Variants in MAP3K20 observed in about 807,000 individuals in gnomAD.
MAP3K20 encodes mitogen-activated protein kinase kinase kinase 20, also known as HCCS-4.
Under a neutral mutation model 85.7 loss-of-function variants are expected in MAP3K20, and 40 were observed. The observed-to-expected ratio is 0.47, with a 90% confidence interval of 0.36 to 0.61. The LOEUF is 0.61. MAP3K20 is among the 20% of genes least tolerant of loss of function. The pLI, the probability that MAP3K20 is intolerant of heterozygous loss-of-function variation, is 0.00. For missense variants in MAP3K20, 817 were observed against 961.7 expected, an observed-to-expected ratio of 0.85 and a Z score of 1.99; for synonymous variants, 325 against 327.7, an observed-to-expected ratio of 0.99 and a Z score of 0.09.
At position 173,198,290 on chromosome 2, in the gene MAP3K20, C is replaced by T. The variant is rs188860839; in HGVS notation, c.669+178C>T. ...TTCCTCATGAATGGACCCTTTACATCTAATTGTTGCAGCTTCACGTCGTGA... is the reference window on the plus strand; with the variant it reads ...TTCCTCATGAATGGACCCTTTACATTTAATTGTTGCAGCTTCACGTCGTGA... On this transcript the variant is annotated intron_variant, in intron 8 of 19. Transcript: ENST00000375213. The surrounding 1 kb of genome is among the most constrained non-coding windows in gnomAD (Gnocchi z 5.8). 7.0e-4 allele frequency: 329 copies of T among 472,920 alleles called. 4 individuals are homozygous for T. The highest frequency in any genetic ancestry group is 9.8e-5 in the Non-Finnish European group (26 of 265,298). 29.3% of individuals were successfully genotyped at this position (472,920 alleles called of 1,614,324 possible).
At position 173,168,567 on chromosome 2, in the gene MAP3K20, A is replaced by AG. The variant is rs142081931; in HGVS notation, c.160-1234dup. ...TAATTCATAGTGTACACATTCCCAA[A>AG]GGGGAGTCCCTTTCTGACCAAAGTG... On this transcript the variant is annotated intron_variant, in intron 2 of 19. Coordinates refer to ENST00000375213, the MANE Select transcript of MAP3K20 (RefSeq NM_016653.3). 2.3e-3 allele frequency among the ~76,000 whole-genome samples: 352 copies of AG among 152,294 alleles called. 1 individual carries two copies. The highest frequency in any genetic ancestry group is 7.9e-3 in the African/African-American group (330 of 41,572).
At chr2:173,156,892 C>CT (rs891346865) in intron 2 of MAP3K20, among the ~76,000 whole-genome samples, 36 of 152,248 alleles carry the variant, frequency 2.4e-4, no homozygotes, top group African/African-American at 8.7e-4. Flanking sequence ...GCCAGTGTTT[C>CT]TTTGAGTTTT....
Position 173,199,459 on chromosome 2 carries a change from C to T in MAP3K20, c.669+1347C>T, listed in dbSNP as rs1690962586. Among the ~76,000 whole-genome samples the T allele has an allele frequency of 2.0e-5, 3 of 152,352 alleles. No homozygotes were observed. The South Asian group carries it at 6.2e-4, about 32-fold the overall frequency. ...ATGTGCTATTAAATAAGATCTTACA[C>T]ACAGGATGACTGATATTGTCGTCAT... is the stretch of plus-strand genomic sequence containing the variant. On this transcript the variant is annotated intron_variant, in intron 8 of 19. Transcript: ENST00000375213.
At chr2:173,097,260 G>A (rs1432828475) in intron 2 of MAP3K20, among the ~76,000 whole-genome samples, 1 of 152,156 alleles carries the variant, frequency 6.6e-6, no homozygotes, top group African/African-American at 2.4e-5. Flanking sequence ...GGAGGCTGAG[G>A]CAGGAGAATT....
At position 173,142,754 on chromosome 2, in the gene MAP3K20, C is replaced by T. The variant is rs191788651; in HGVS notation, c.160-27051C>T. 2.9e-3 allele frequency among the ~76,000 whole-genome samples: 435 copies of T among 152,068 alleles called. 2 individuals are homozygous for T. Among genetic ancestry groups the T allele is most frequent in the African/African-American group, 9.6e-3 (399 of 41,470 alleles). On this transcript the variant is annotated intron_variant, in intron 2 of 19. Transcript: ENST00000375213. ...ACAGGGGAACAAAAAACAAATAGAA[C>T]GAATTTTTAAAAACCAAGATAGTAA...
intron 16 of MAP3K20, among the ~76,000 whole-genome samples, chr2:173,244,532 C>G (rs1053502454): frequency 1.3e-5 from 2 of 152,116 alleles, no homozygotes; most frequent in African/African-American, 4.8e-5. Context: ...GTATGACTTG[C>G]CTGGGATGAG....
chr2:173,143,180 G>A (rs961879800), intron 2 of MAP3K20, among the ~76,000 whole-genome samples: 2 of 152,172 alleles, frequency 1.3e-5, no homozygotes, highest in Non-Finnish European at 2.9e-5. Flanking sequence ...TAATAAAGGT[G>A]TAGTGGCTCT....
intron 2 of MAP3K20, among the ~76,000 whole-genome samples, chr2:173,154,894 T>C (rs1689419426): frequency 6.6e-6 from 1 of 152,112 alleles, no homozygotes; most frequent in Admixed American, 6.6e-5. Flanking sequence ...CCAAATATAA[T>C]GGGATTAGGG....
chr2:173,248,945 G>T (rs1005554983), intron 16 of MAP3K20, among the ~76,000 whole-genome samples: 1 of 152,134 alleles, frequency 6.6e-6, no homozygotes, highest in African/African-American at 2.4e-5. Flanking sequence ...AATAATAAGT[G>T]TCTTTAACTC....
At chr2:173,107,128 C>A (rs1291086061) in intron 2 of MAP3K20, among the ~76,000 whole-genome samples, 1 of 152,100 alleles carries the variant, frequency 6.6e-6, no homozygotes, top group Non-Finnish European at 1.5e-5. Context: ...ATGATGGCAA[C>A]AATGAAGGCT....
intron 2 of MAP3K20, among the ~76,000 whole-genome samples, chr2:173,131,621 A>G (rs1204743886): frequency 6.6e-6 from 1 of 152,200 alleles, no homozygotes; most frequent in East Asian, 1.9e-4. Context: ...ATTATGTGGT[A>G]TATTAGATAT....
At chr2:173,221,210 G>T in intron 11 of MAP3K20, 1 of 1,596,174 alleles carries the variant, frequency 6.3e-7, no homozygotes, top group Non-Finnish European at 8.6e-7. Context: ...TAAAACAGAG[G>T]AGTCAAACAG....
At chr2:173,261,509 G>A (rs537827068) in intron 18 of MAP3K20, among the ~76,000 whole-genome samples, 2 of 152,246 alleles carry the variant, frequency 1.3e-5, no homozygotes, top group East Asian at 1.9e-4. Flanking sequence ...TACAAGGTAC[G>A]TAGACCCGGT....
At chr2:173,240,068 A>T (rs1314716487) in intron 16 of MAP3K20, among the ~76,000 whole-genome samples, 1 of 152,220 alleles carries the variant, frequency 6.6e-6, no homozygotes, top group Non-Finnish European at 1.5e-5. Context: ...GATAATAATG[A>T]TAACTTCTGT....
chr2:173,224,909 T>C (rs1167451838), intron 11 of MAP3K20: 2 of 985,222 alleles, frequency 2.0e-6, no homozygotes, highest in Non-Finnish European at 2.4e-6. Context: ...TTCAGATCAG[T>C]GTTTGAAATG....
At chr2:173,232,573 G>A in intron 14 of MAP3K20, 114 bp downstream of exon 14, 1 of 1,480,066 alleles carries the variant, frequency 6.8e-7, no homozygotes, top group Non-Finnish European at 9.1e-7. Context: ...GCACAATCTT[G>A]GCTCGTTGCA....
chr2:173,224,478 A>C (rs925530665), intron 11 of MAP3K20: 38 of 985,294 alleles, frequency 3.9e-5, no homozygotes, highest in Non-Finnish European at 4.5e-5. Flanking sequence ...TCTGTACTGG[A>C]CCTAACTTTA....
chr2:173,208,221 G>A (rs7601536), intron 9 of MAP3K20, among the ~76,000 whole-genome samples: 25,683 of 151,780 alleles, frequency 0.17, 2,452 homozygotes, highest in South Asian at 0.33. Flanking sequence ...GCAAGATGGC[G>A]AGACCCCTCT....
rs568320884 is a variant in MAP3K20, at chr2:173,144,771, T to C, written c.160-25034T>C. 5.9e-5 allele frequency among the ~76,000 whole-genome samples: 9 copies of C among 152,264 alleles called. No individual in the cohort carries two copies. The East Asian group carries it at 1.4e-3, about 23-fold the overall frequency. On this transcript the variant is annotated intron_variant, in intron 2 of 19. Transcript: ENST00000375213. ...CCAGTTGTAAGACTCAGTATTAAAA[T>C]GTTACTTTCCTCCAAAAATTGATTT...
Sources: allele counts gnomAD v4.1 joint callset (sites outside exome capture counted in the v4.1 genomes callset), GRCh38; gene constraint gnomAD v4.1.1; non-coding constraint Gnocchi (gnomAD v3.1); transcripts MANE v1.5; gene names NCBI Gene and HGNC (gene_info 2026-07-23, HGNC 2026-07-21).